The following ZNF721 variants were observed in gnomAD, a reference collection of about 807,000 sequenced individuals.
The protein encoded by ZNF721 is zinc finger protein 721.
ZNF721 carries 2 observed loss-of-function variants against 2.4 expected under a neutral mutation model. The observed-to-expected ratio is 0.82, with a 90% CI of 0.34 to 2.58. ZNF721 has a LOEUF of 2.58. Among genes scored for constraint, ZNF721 ranks in the 30% most tolerant of loss-of-function variants. ZNF721 has a pLI of 0.11. For missense variants in ZNF721, 1,187 were observed against 1,085.5 expected, an observed-to-expected ratio of 1.09 and a Z score of -1.31; for synonymous variants, 398 against 381.8, an observed-to-expected ratio of 1.04 and a Z score of -0.50.
chr4:464,579 T>C (rs1715181004), intron 2 of ZNF721, among the ~76,000 whole-genome samples: 1 of 151,470 alleles, frequency 6.6e-6, no homozygotes, highest in Admixed American at 6.6e-5. Context: ...TACATAATAA[T>C]GTAATATAAA....
chr4:474,139 C>T lies in ZNF721; in HGVS notation c.-93-1438G>A, dbSNP rs145658186. 5.0e-4 allele frequency: 459 copies of T among 911,922 alleles called. 1 individual carries two copies. The highest frequency in any genetic ancestry group is 5.8e-4 in the Non-Finnish European group (370 of 639,468). 56.5% of individuals were successfully genotyped at this position (911,922 alleles called of 1,614,324 possible). The stretch of plus-strand genomic sequence containing the variant: ...GGCCCTAACCGAGCTCAGGCTGAAG[C>T]AACAGGCCAAGGCCGCCGAAGATCC... On this transcript the variant is annotated intron_variant, in intron 1 of 2. Transcript: ENST00000511833.
chr4:443,716 A>G lies in ZNF721; in HGVS notation c.751T>C (p.Cys251Arg), dbSNP rs782385298. Residue 251 changes from cysteine (C) to arginine (R), a missense_variant, in exon 3 of 3, where the codon TGT becomes CGT. Coordinates refer to ENST00000511833, the MANE Select transcript of ZNF721 (RefSeq NM_133474.4). ...KIHTGEKPYK[C>R]KECGKVISSS... The stretch of plus-strand genomic sequence containing the variant: ...GAAATGACTTTGCCACATTCCTTAC[A>G]TTTGTAGGGTTTCTCTCCAGTATGA... The G allele has an allele frequency of 2.5e-6, 4 of 1,614,140 alleles. No homozygotes were observed. Among genetic ancestry groups the G allele is most frequent in the Non-Finnish European group, 1.7e-6 (2 of 1,179,990 alleles).
At chr4:498,238 A>G (rs1309202003) in intron 1 of ZNF721, among the ~76,000 whole-genome samples, 3 of 144,646 alleles carry the variant, frequency 2.1e-5, no homozygotes, top group African/African-American at 7.4e-5. Flanking sequence ...AAAAAAAAAA[A>G]AAGAAGGACA....
intron 2 of ZNF721, among the ~76,000 whole-genome samples, chr4:462,678 G>A (rs1209003161): frequency 6.6e-6 from 1 of 152,182 alleles, no homozygotes; most frequent in African/African-American, 2.4e-5. Flanking sequence ...AATAAATGGT[G>A]TTGGGAAAAC....
chr4:463,557 C>T (rs1715136005), intron 2 of ZNF721, among the ~76,000 whole-genome samples: 1 of 152,158 alleles, frequency 6.6e-6, no homozygotes, highest in East Asian at 1.9e-4. Context: ...ACATATACAC[C>T]ATGGAATGCT....
chr4:444,382 C>T lies in ZNF721; in HGVS notation c.85G>A (p.Asp29Asn). The T allele has an allele frequency of 1.9e-6, 3 of 1,610,794 alleles. No individual in the cohort carries two copies. Among genetic ancestry groups the T allele is most frequent in the Admixed American group, 3.4e-5 (2 of 59,608 alleles). Reference protein sequence around the residue: ...QDFLPVQGIEDSFHKLILRRY... With the variant: ...QDFLPVQGIENSFHKLILRRY... ...CTCAGTATAAGTTTGTGGAATGAAT[C>T]TTCTATCCCCTGCACTGGCAAAAAG... Residue 29 changes from aspartate (D) to asparagine (N), a missense_variant, in exon 3 of 3, where the codon GAT becomes AAT. Coordinates refer to ENST00000511833, the MANE Select transcript of ZNF721 (RefSeq NM_133474.4).
At chr4:453,652 T>C (rs1364524773) in intron 2 of ZNF721, 2 of 152,224 alleles carry the variant, frequency 1.3e-5, no homozygotes, top group African/African-American at 2.4e-5. Context: ...GCCACCACTA[T>C]AGAAGAAGCC....
In ZNF721 at chr4:441,385, G is replaced by A. The variant is rs1714230294; in HGVS notation, c.*310C>T. On this transcript the variant is annotated 3_prime_UTR_variant, in exon 3 of 3. Transcript: ENST00000511833. ...TGCCACATTTTTTGTATTTCCAGGT[G>A]TTTTCTTCAGTAGGAATTACATTAA... is the stretch of plus-strand genomic sequence containing the variant. 1 of 218,706 alleles carries A rather than the reference G, an allele frequency of 4.6e-6. No individual in the cohort carries two copies. The highest frequency in any genetic ancestry group is 9.0e-6 in the Non-Finnish European group (1 of 110,712). The allele number at this position is 218,706 out of a possible 1,614,324, so 13.5% of individuals were successfully genotyped here.
At chr4:472,866 G>A (rs1395550383) in intron 1 of ZNF721, among the ~76,000 whole-genome samples, 165 bp from the exon 2 acceptor site, 3 of 151,970 alleles carry the variant, frequency 2.0e-5, no homozygotes, top group Non-Finnish European at 4.4e-5. Flanking sequence ...GAAAAAGGAA[G>A]GCATTCCAAC....
intron 1 of ZNF721, among the ~76,000 whole-genome samples, chr4:482,798 T>C (rs1460366633): frequency 6.6e-6 from 1 of 152,132 alleles, no homozygotes; most frequent in Non-Finnish European, 1.5e-5. Context: ...CTTGGCCTTA[T>C]TCATCAAGTT....
chr4:442,144 G>C lies in ZNF721; in HGVS notation c.2323C>G (p.His775Asp), dbSNP rs267600163. 3 of 1,613,464 alleles carry C rather than the reference G, an allele frequency of 1.9e-6. No individual in the cohort carries two copies. The highest frequency in any genetic ancestry group is 1.7e-5 in the Admixed American group (1 of 59,900). ...CATTTGTAGGGTTTCTTTCCAGTAT[G>C]AATTTTCTCATGTCTATTCAGGTGT... Reference protein sequence around the residue: ...SSHLNRHEKIHTGKKPYKCKE... With the variant: ...SSHLNRHEKIDTGKKPYKCKE... The change falls in exon 3 of 3, where the codon CAT becomes GAT. Residue 775 changes from histidine to aspartate, a missense_variant. Transcript: ENST00000511833.
At position 443,558 on chromosome 4, in the gene ZNF721, T is replaced by G; in HGVS notation, c.909A>C (p.Lys303Asn). ...TKHRRIHTGE[K>N]PYTCEVCGKA... The stretch of plus-strand genomic sequence containing the variant: ...TGCCACATACTTCACATGTGTAGGG[T>G]TTCTCTCCAGTATGAATTCTCCTAT... The change falls in exon 3 of 3, where the codon AAA (lysine) becomes AAC (asparagine). Residue 303 changes from lysine (K) to asparagine (N), a missense_variant. Lys to Asn is a moderately conservative substitution (Grantham distance 94, BLOSUM62 0). Transcript: ENST00000511833. The G allele has an allele frequency of 6.2e-7, 1 of 1,614,040 alleles. No homozygotes were observed. The highest frequency in any genetic ancestry group is 8.5e-7 in the Non-Finnish European group (1 of 1,179,956).
Position 497,732 on chromosome 4 carries a change from C to CAAAA in ZNF721, c.-94+1320_-94+1323dup, listed in dbSNP as rs533555862. Among the ~76,000 whole-genome samples the CAAAA allele has an allele frequency of 7.5e-3, 931 of 123,936 alleles. 10 individuals are homozygous for CAAAA. Among genetic ancestry groups the CAAAA allele is most frequent in the African/African-American group, 0.023 (759 of 33,540 alleles). 81.3% of individuals were successfully genotyped at this position (123,936 alleles called of 152,430 possible). ...TGAAACCCGTCACTACTAAAAAATA[C>CAAAA]AAAAAAAAAAAAAAAATTTGACGGG... On this transcript the variant is annotated intron_variant, in intron 1 of 2. Coordinates refer to ENST00000511833, the MANE Select transcript of ZNF721 (RefSeq NM_133474.4).
In ZNF721 at chr4:443,756, A is replaced by AT; in HGVS notation, c.710dup (p.Asn237LysfsTer2). 1 of 1,614,022 alleles carries AT rather than the reference A, an allele frequency of 6.2e-7. No homozygotes were observed. Among genetic ancestry groups the AT allele is most frequent in the Non-Finnish European group, 8.5e-7 (1 of 1,179,972 alleles). On this transcript the variant is annotated frameshift_variant, in exon 3 of 3. Coordinates refer to ENST00000511833, the MANE Select transcript of ZNF721 (RefSeq NM_133474.4). LOFTEE classifies it low-confidence loss of function (END_TRUNC). ...CTCCAGTATGAATTTTCTCATGTTT[A>AT]TTCAGGTGTGAGGAATGCATAAAGG...
chr4:474,399 G>C (rs1715570964), intron 1 of ZNF721, among the ~76,000 whole-genome samples: 1 of 152,148 alleles, frequency 6.6e-6, no homozygotes, highest in African/African-American at 2.4e-5. Context: ...TAACCTTCTG[G>C]TGTGTAACGT....
Position 441,904 on chromosome 4 carries a change from G to A in ZNF721, c.2563C>T (p.His855Tyr). The A allele has an allele frequency of 6.2e-7, 1 of 1,613,932 alleles. No homozygotes were observed. Residue 855 changes from histidine to tyrosine, a missense_variant, in exon 3 of 3, where the codon CAT (histidine) becomes TAT (tyrosine). Coordinates refer to ENST00000511833, the MANE Select transcript of ZNF721 (RefSeq NM_133474.4). Reference sequence around the variant, plus strand: ...TTCTCTCCAGTATGAATTCTCCTATGTACATAAAGGATTGCTGACTGTCTA... The same window carrying A: ...TTCTCTCCAGTATGAATTCTCCTATATACATAAAGGATTGCTGACTGTCTA... ...AFRQSAILYVHRRIHTGEKPY... is the reference protein window; with the variant it reads ...AFRQSAILYVYRRIHTGEKPY...
intron 2 of ZNF721, among the ~76,000 whole-genome samples, chr4:468,701 C>T (rs1462120111): frequency 6.6e-6 from 1 of 152,188 alleles, no homozygotes; most frequent in Non-Finnish European, 1.5e-5. Flanking sequence ...TTCTTCTCTG[C>T]AACCCCAGAG....
intron 1 of ZNF721, among the ~76,000 whole-genome samples, chr4:496,008 C>T (rs1553872158): frequency 6.6e-6 from 1 of 152,152 alleles, no homozygotes. Flanking sequence ...ACAGCCATTG[C>T]TCTTTCGGTT....
At chr4:450,954 AAAATATATATATATATATATAT>A (rs1714636330) in intron 2 of ZNF721, among the ~76,000 whole-genome samples, 2 of 38,650 alleles carry the variant, frequency 5.2e-5, no homozygotes, top group South Asian at 1.1e-3. Flanking sequence ...AAAAAAAAAA[AAAATATATATATATATATATAT>A]ATATATATAT....
Sources: allele counts gnomAD v4.1 joint callset (sites outside exome capture counted in the v4.1 genomes callset), GRCh38; gene constraint gnomAD v4.1.1; transcripts MANE v1.5; gene names NCBI Gene and HGNC (gene_info 2026-07-23, HGNC 2026-07-21).